The following APBB1IP variants were observed in gnomAD, a reference collection of about 807,000 sequenced individuals.
APBB1IP encodes amyloid beta precursor protein binding family B member 1 interacting protein.
A neutral mutation model predicts 64.9 loss-of-function variants in APBB1IP; 27 were observed. The observed-to-expected ratio is 0.42, with a 90% CI of 0.31 to 0.57. The LOEUF (loss-of-function observed/expected upper bound fraction) is 0.57. Among genes scored for constraint, APBB1IP ranks in the 20% least tolerant of loss-of-function variants. The pLI is 0.20. For synonymous variants in APBB1IP, 392 were observed against 331.0 expected, an observed-to-expected ratio of 1.18 and a Z score of -2.00; for missense variants, 812 against 845.5, an observed-to-expected ratio of 0.96 and a Z score of 0.49.
At chr10:26,445,606 G>A (rs888234161) in intron 2 of APBB1IP, among the ~76,000 whole-genome samples, 2 of 152,204 alleles carry the variant, frequency 1.3e-5, no homozygotes, top group African/African-American at 4.8e-5. Context: ...AGGCTTCCAA[G>A]ACTGTGCAGT....
At chr10:26,492,239 G>A (rs1835964315) in intron 2 of APBB1IP, 88 bp from the exon 3 acceptor site, 1 of 1,202,722 alleles carries the variant, frequency 8.3e-7, no homozygotes, top group Non-Finnish European at 1.2e-6. Context: ...CATGGATGGG[G>A]CTCTTGGGGG....
intron 2 of APBB1IP, among the ~76,000 whole-genome samples, chr10:26,441,022 T>C (rs1835332474): frequency 6.6e-6 from 1 of 152,198 alleles, no homozygotes; most frequent in South Asian, 2.1e-4. Context: ...CCACAATCTT[T>C]ACAATTTTAT....
intron 14 of APBB1IP, among the ~76,000 whole-genome samples, chr10:26,566,317 TG>T (rs1837043103): frequency 6.6e-6 from 1 of 152,210 alleles, no homozygotes; most frequent in African/African-American, 2.4e-5. Context: ...TGCAATGGCA[TG>T]ATCTCAGCTC....
intron 4 of APBB1IP, among the ~76,000 whole-genome samples, chr10:26,496,983 T>C (rs973872633): frequency 1.3e-5 from 2 of 151,626 alleles, no homozygotes; most frequent in Admixed American, 1.3e-4. Context: ...AGCTCAGGAG[T>C]TTGAAACCAG....
At chr10:26,501,625 T>C (rs1029312739) in intron 5 of APBB1IP, 1 of 158,844 alleles carries the variant, frequency 6.3e-6, no homozygotes, top group Admixed American at 6.3e-5. Flanking sequence ...TGATGGGTGC[T>C]TGATATTGAT....
At chr10:26,469,362 C>G (rs1448376604) in intron 2 of APBB1IP, among the ~76,000 whole-genome samples, 3 of 148,592 alleles carry the variant, frequency 2.0e-5, no homozygotes, top group Non-Finnish European at 4.4e-5. Flanking sequence ...CAGCTCAAGC[C>G]ATTCTCCCAA....
At chr10:26,555,017 G>A (rs1370552844) in intron 11 of APBB1IP, among the ~76,000 whole-genome samples, 1 of 152,102 alleles carries the variant, frequency 6.6e-6, no homozygotes, top group Non-Finnish European at 1.5e-5. Context: ...ATAGCTTTTA[G>A]GAGGAGGGAG....
chr10:26,492,169 T>G (rs1366920239), intron 2 of APBB1IP, among the ~76,000 whole-genome samples, 158 bp from the exon 3 acceptor site: 1 of 152,218 alleles, frequency 6.6e-6, no homozygotes, highest in East Asian at 1.9e-4. Flanking sequence ...AAGCCAGGCA[T>G]GAAATTTCAG....
intron 2 of APBB1IP, among the ~76,000 whole-genome samples, chr10:26,490,698 A>G (rs562869926): frequency 6.6e-6 from 1 of 152,358 alleles, no homozygotes; most frequent in Non-Finnish European, 1.5e-5. Context: ...GAAAAATAAT[A>G]TTTGCTTTAA....
intron 2 of APBB1IP, among the ~76,000 whole-genome samples, chr10:26,453,523 A>G (rs1835487949): frequency 6.6e-6 from 1 of 151,986 alleles, no homozygotes; most frequent in African/African-American, 2.4e-5. Flanking sequence ...CCACTCATTC[A>G]TCTCCTGCTT....
intron 11 of APBB1IP, among the ~76,000 whole-genome samples, chr10:26,542,812 A>G (rs952241009): frequency 1.3e-5 from 2 of 151,650 alleles, no homozygotes; most frequent in African/African-American, 4.9e-5. Flanking sequence ...ATTTACAGAT[A>G]ATATTAATAA....
intron 2 of APBB1IP, among the ~76,000 whole-genome samples, chr10:26,485,463 G>T (rs76850791): frequency 6.6e-6 from 1 of 152,164 alleles, no homozygotes; most frequent in Non-Finnish European, 1.5e-5. Context: ...GGTTTCCAAC[G>T]ACGCATTTCT....
At chr10:26,441,128 C>A (rs979927475) in intron 2 of APBB1IP, among the ~76,000 whole-genome samples, 8 of 152,120 alleles carry the variant, frequency 5.3e-5, no homozygotes, top group African/African-American at 1.9e-4. Context: ...GGTATCTTCT[C>A]AGTATGAAAA....
At chr10:26,530,506 A>G (rs1314225884) in intron 8 of APBB1IP, among the ~76,000 whole-genome samples, 1 of 151,996 alleles carries the variant, frequency 6.6e-6, no homozygotes, top group East Asian at 1.9e-4. Context: ...CCTGGCCAAC[A>G]TGGTGAAACC....
At chr10:26,557,919 G>A (rs929201832) in intron 11 of APBB1IP, among the ~76,000 whole-genome samples, 3 of 152,134 alleles carry the variant, frequency 2.0e-5, no homozygotes, top group African/African-American at 4.8e-5. Context: ...GATGGAAAGC[G>A]AAAGAGAAGT....
At chr10:26,512,387 T>C (rs1413483715) in intron 7 of APBB1IP, among the ~76,000 whole-genome samples, 1 of 152,152 alleles carries the variant, frequency 6.6e-6, no homozygotes, top group Non-Finnish European at 1.5e-5. Context: ...ATCTGTTGGC[T>C]AATGCCCCTT....
chr10:26,549,821 A>G (rs966386199), intron 11 of APBB1IP, among the ~76,000 whole-genome samples: 18 of 151,952 alleles, frequency 1.2e-4, no homozygotes. Flanking sequence ...TTTTCAAATG[A>G]ATGAAATTAA....
At chr10:26,510,063 AG>A (rs1836233491) in intron 6 of APBB1IP, among the ~76,000 whole-genome samples, 1 of 152,072 alleles carries the variant, frequency 6.6e-6, no homozygotes. Flanking sequence ...TCTGCCTCCC[AG>A]TTTCAAGCGA....
chr10:26,524,974 T>TTTTTTA (rs1554778195), intron 8 of APBB1IP, among the ~76,000 whole-genome samples: 194 of 126,600 alleles, frequency 1.5e-3, no homozygotes, highest in Non-Finnish European at 2.7e-3. Context: ...TTTTTTTTTT[T>TTTTTTA]ATAAAAAAAG....
Sources: gnomAD v4.1 joint callset for allele counts (sites outside exome capture counted in the v4.1 genomes callset) on GRCh38, gnomAD v4.1.1 for gene constraint, MANE v1.5 for transcripts, NCBI Gene and HGNC (gene_info 2026-07-23, HGNC 2026-07-21) for gene names.